Variants in MACROD2 observed in about 807,000 individuals in gnomAD.
The protein encoded by MACROD2 is ADP-ribose glycohydrolase MACROD2.
Under a neutral mutation model 70.4 loss-of-function variants are expected in MACROD2, and 36 were observed. The observed-to-expected ratio is 0.51, with a 90% CI of 0.39 to 0.68. The LOEUF (loss-of-function observed/expected upper bound fraction) is 0.68, where lower values mean the gene tolerates loss of function less well. MACROD2 is among the 30% of genes least tolerant of loss of function. The pLI is 0.00. For synonymous variants in MACROD2, 172 were observed against 178.8 expected (o/e 0.96, Z 0.30); for missense variants, 496 against 538.4 (o/e 0.92, Z 0.78).
chr20:14,040,787 T>C (rs140957382), intron 2 of MACROD2, among the ~76,000 whole-genome samples: 9 of 152,358 alleles, frequency 5.9e-5, no homozygotes, highest in Non-Finnish European at 1.3e-4. Context: ...AGCTTCGTTA[T>C]GACATTATGG....
At chr20:15,206,810 C>T (rs1408962368) in intron 5 of MACROD2, among the ~76,000 whole-genome samples, 6 of 140,760 alleles carry the variant, frequency 4.3e-5, no homozygotes, top group South Asian at 4.7e-4. Flanking sequence ...AATCTCGGCT[C>T]ACTGCAAGCT....
At chr20:14,250,616 G>A (rs1274197254) in intron 3 of MACROD2, among the ~76,000 whole-genome samples, 2 of 152,058 alleles carry the variant, frequency 1.3e-5, no homozygotes, top group African/African-American at 2.4e-5. Flanking sequence ...GATGGATCAG[G>A]CATTGTCTGA....
At chr20:15,664,304 C>T (rs2049866177) in intron 8 of MACROD2, among the ~76,000 whole-genome samples, 2 of 152,158 alleles carry the variant, frequency 1.3e-5, no homozygotes, top group African/African-American at 4.8e-5. Context: ...ATTAAATGAT[C>T]AAAGACAGAA....
chr20:15,993,586 T>G (rs2147485644), intron 15 of MACROD2, among the ~76,000 whole-genome samples: 1 of 152,248 alleles, frequency 6.6e-6, no homozygotes, highest in East Asian at 1.9e-4. Context: ...AACATATTTC[T>G]CAGAATGTAT....
At chr20:14,479,997 C>G (rs1230325231) in intron 3 of MACROD2, among the ~76,000 whole-genome samples, 1 of 152,106 alleles carries the variant, frequency 6.6e-6, no homozygotes, top group African/African-American at 2.4e-5. Context: ...TTGTCTCATT[C>G]TCCTGAGTAG....
intron 5 of MACROD2, among the ~76,000 whole-genome samples, chr20:14,703,917 G>C (rs934712883): frequency 1.3e-5 from 2 of 151,638 alleles, no homozygotes; most frequent in Admixed American, 1.3e-4. Context: ...TAGTAGAGAC[G>C]GGGTTTTACC....
intron 3 of MACROD2, among the ~76,000 whole-genome samples, chr20:14,349,393 G>A (rs963349673): frequency 1.3e-5 from 2 of 150,620 alleles, no homozygotes; most frequent in African/African-American, 4.9e-5. Flanking sequence ...TGTCCTTTGT[G>A]TTGTACTTCA....
chr20:14,272,251 C>T (rs958238979), intron 3 of MACROD2, among the ~76,000 whole-genome samples: 7 of 152,058 alleles, frequency 4.6e-5, no homozygotes, highest in Admixed American at 2.6e-4. Flanking sequence ...AGAGAAAGGT[C>T]GGGTTACCCA....
chr20:15,668,146 G>T (rs2049926861), intron 8 of MACROD2, among the ~76,000 whole-genome samples: 1 of 152,028 alleles, frequency 6.6e-6, no homozygotes, highest in Admixed American at 6.5e-5. Context: ...TGTAATCCCA[G>T]CTACTCGGGA....
At chr20:15,146,890 T>C (rs182593993) in intron 5 of MACROD2, among the ~76,000 whole-genome samples, 14 of 152,276 alleles carry the variant, frequency 9.2e-5, no homozygotes, top group Admixed American at 3.3e-4. Flanking sequence ...TAGAAATTTG[T>C]TTCTGGTTTT....
At chr20:15,696,684 T>TGTTG in intron 8 of MACROD2, among the ~76,000 whole-genome samples, 1 of 150,382 alleles carries the variant, frequency 6.6e-6, no homozygotes, top group South Asian at 2.1e-4. Flanking sequence ...TGGAGTTTTT[T>TGTTG]TTTTTTTTTT....
chr20:15,306,764 A>C (rs1395858456), intron 6 of MACROD2, among the ~76,000 whole-genome samples: 3 of 152,168 alleles, frequency 2.0e-5, no homozygotes, highest in Non-Finnish European at 2.9e-5. Flanking sequence ...TTTCTGTTAC[A>C]ACTTTGGAGA....
intron 4 of MACROD2, among the ~76,000 whole-genome samples, chr20:14,505,550 C>G (rs1165176913): frequency 6.6e-6 from 1 of 152,210 alleles, no homozygotes; most frequent in African/African-American, 2.4e-5. Context: ...AACTCTATTA[C>G]AAGTATTATC....
intron 5 of MACROD2, chr20:14,849,958 G>C (rs1252399210): frequency 3.9e-6 from 2 of 514,954 alleles, no homozygotes; most frequent in Non-Finnish European, 7.7e-6. Flanking sequence ...CACCTGAAGA[G>C]ATCTATTACT....
At chr20:15,367,687 GA>G (rs2045431150) in intron 6 of MACROD2, among the ~76,000 whole-genome samples, 1 of 151,808 alleles carries the variant, frequency 6.6e-6, no homozygotes, top group Admixed American at 6.6e-5. Flanking sequence ...TAAAAGCAAA[GA>G]TTTTTTTGTT....
intron 8 of MACROD2, among the ~76,000 whole-genome samples, chr20:15,648,187 G>A (rs1474483440): frequency 6.6e-6 from 1 of 152,176 alleles, no homozygotes; most frequent in African/African-American, 2.4e-5. Flanking sequence ...GAAGATAGAA[G>A]CCAAGGCTGT....
chr20:15,987,192 GGA>G, intron 15 of MACROD2, 34 bp downstream of exon 15: 2 of 1,512,710 alleles, frequency 1.3e-6, no homozygotes, highest in African/African-American at 1.4e-5. Flanking sequence ...CATCAAGAAT[GGA>G]GAGTTTCTTT....
At chr20:15,550,644 T>TACTATGGTTTTCAC (rs2048083061) in intron 8 of MACROD2, among the ~76,000 whole-genome samples, 1 of 152,234 alleles carries the variant, frequency 6.6e-6, no homozygotes, top group Non-Finnish European at 1.5e-5. Flanking sequence ...CCAGTTTTCA[T>TACTATGGTTTTCAC]ACTATGGTTT....
intron 3 of MACROD2, among the ~76,000 whole-genome samples, chr20:14,374,845 G>A (rs924198271): frequency 6.6e-6 from 1 of 152,104 alleles, no homozygotes; most frequent in Non-Finnish European, 1.5e-5. Context: ...TTTTTGATTA[G>A]GAGTTTTTGC....
Sources: gnomAD v4.1 joint callset for allele counts (sites outside exome capture counted in the v4.1 genomes callset) on GRCh38, gnomAD v4.1.1 for gene constraint, MANE v1.5 for transcripts, NCBI Gene and HGNC (gene_info 2026-07-23, HGNC 2026-07-21) for gene names.